Variants in ROBO1 observed in about 807,000 individuals in gnomAD.
ROBO1 encodes the protein roundabout homolog 1.
ROBO1 carries 149 observed loss-of-function variants against 195.9 expected under a neutral mutation model. The ratio of observed to expected loss-of-function variants is 0.76; its 90% CI spans 0.67 to 0.87. ROBO1 has a LOEUF of 0.87. Ranked by LOEUF, ROBO1 falls within the 40% of genes least tolerant of loss-of-function variation. The probability of loss-of-function intolerance (pLI) is 0.00; values close to 1 mark genes in which losing one functional copy is unlikely to be tolerated. For synonymous variants in ROBO1, 816 were observed against 733.2 expected (o/e 1.11, Z -1.82); for missense variants, 1,933 against 2,068.3 (o/e 0.93, Z 1.27).
intron 14 of ROBO1, among the ~76,000 whole-genome samples, chr3:78,663,329 TG>T (rs761850990): frequency 6.7e-6 from 1 of 149,982 alleles, no homozygotes. Flanking sequence ...ATAAGCAAGA[TG>T]AAAAAAAAAC....
chr3:79,158,846 T>C (rs1196222232), intron 2 of ROBO1, among the ~76,000 whole-genome samples: 1 of 151,930 alleles, frequency 6.6e-6, no homozygotes, highest in Non-Finnish European at 1.5e-5. Flanking sequence ...GATATTCTAC[T>C]ATGTAAGCCT....
chr3:78,893,581 T>C (rs566941842), intron 4 of ROBO1, among the ~76,000 whole-genome samples: 1 of 152,304 alleles, frequency 6.6e-6, no homozygotes, highest in South Asian at 2.1e-4. Context: ...TTCCATATCT[T>C]ATGTATAAAT....
intron 2 of ROBO1, among the ~76,000 whole-genome samples, chr3:79,166,605 G>A (rs1189468687): frequency 2.1e-5 from 3 of 142,520 alleles, no homozygotes; most frequent in East Asian, 2.0e-4. Context: ...TAGCTCTGTC[G>A]CACAGGCTGG....
At chr3:79,406,736 A>G (rs1455712391) in intron 2 of ROBO1, among the ~76,000 whole-genome samples, 1 of 152,092 alleles carries the variant, frequency 6.6e-6, no homozygotes, top group South Asian at 2.1e-4. Context: ...CTTTTGGAGC[A>G]TTTATGTACA....
intron 28 of ROBO1, among the ~76,000 whole-genome samples, chr3:78,609,093 G>A (rs983144306): frequency 6.6e-5 from 10 of 151,998 alleles, no homozygotes; most frequent in Admixed American, 6.6e-5. Flanking sequence ...AAATGGTAAC[G>A]TTTTCACATT....
intron 2 of ROBO1, chr3:79,532,889 T>C (rs1941715672): frequency 1.1e-5 from 2 of 187,960 alleles, no homozygotes; most frequent in South Asian, 1.5e-4. Flanking sequence ...AATTCCAGCA[T>C]GTATGGTTTC....
At chr3:78,644,299 T>C (rs747300164) in intron 21 of ROBO1, among the ~76,000 whole-genome samples, 8 of 152,146 alleles carry the variant, frequency 5.3e-5, no homozygotes, top group Non-Finnish European at 1.2e-4. Context: ...TCATCTCGCA[T>C]TTCCGCCACT....
At chr3:78,875,770 T>C (rs1441485999) in intron 4 of ROBO1, among the ~76,000 whole-genome samples, 1 of 152,012 alleles carries the variant, frequency 6.6e-6, no homozygotes, top group East Asian at 1.9e-4. Context: ...ACCTGGAGAT[T>C]AAAAGCAGAA....
intron 2 of ROBO1, among the ~76,000 whole-genome samples, chr3:79,462,681 T>C (rs1330403557): frequency 6.6e-6 from 1 of 152,198 alleles, no homozygotes; most frequent in Non-Finnish European, 1.5e-5. Context: ...CAGTGCACCA[T>C]TAGGGAATCA....
At chr3:78,825,984 A>T (rs2031559998) in intron 4 of ROBO1, among the ~76,000 whole-genome samples, 1 of 152,188 alleles carries the variant, frequency 6.6e-6, no homozygotes, top group Non-Finnish European at 1.5e-5. Flanking sequence ...CATAATGCCT[A>T]CCATCTCAGA....
intron 3 of ROBO1, among the ~76,000 whole-genome samples, chr3:78,948,804 T>C (rs1217153140): frequency 2.0e-5 from 3 of 152,160 alleles, no homozygotes; most frequent in Non-Finnish European, 1.5e-5. Context: ...ATAAGCAACT[T>C]CAGCAAAGTC....
chr3:78,939,582 C>A (rs1379430637), intron 3 of ROBO1, among the ~76,000 whole-genome samples: 2 of 150,438 alleles, frequency 1.3e-5, no homozygotes, highest in Non-Finnish European at 1.5e-5. Flanking sequence ...CGCGCCACTG[C>A]ACTCCAGCCT....
At chr3:79,022,574 G>A (rs1052624503) in intron 3 of ROBO1, among the ~76,000 whole-genome samples, 1 of 152,216 alleles carries the variant, frequency 6.6e-6, no homozygotes, top group Non-Finnish European at 1.5e-5. Context: ...GTGTACACAT[G>A]TGGACAGGGA....
chr3:79,156,208 GT>G lies in ROBO1; in HGVS notation c.89-30670del, dbSNP rs2080855306. Reference sequence around the variant, plus strand: ...TTCCTAACCCCTCTTGGAACTGTTTGTCCTTTTCATAGTCAATCCAATGCAC... The same window carrying G: ...TTCCTAACCCCTCTTGGAACTGTTTGCCTTTTCATAGTCAATCCAATGCAC... On this transcript the variant is annotated intron_variant, in intron 2 of 30. Transcript: ENST00000464233. 2.6e-5 allele frequency among the ~76,000 whole-genome samples: 4 copies of G among 151,132 alleles called. No homozygotes were observed. The Admixed American group carries it at 2.7e-4, about 10-fold the overall frequency.
At chr3:79,375,948 C>G (rs1039254392) in intron 2 of ROBO1, among the ~76,000 whole-genome samples, 7 of 152,108 alleles carry the variant, frequency 4.6e-5, no homozygotes, top group Non-Finnish European at 8.8e-5. Context: ...CTGAGTACCA[C>G]GAACATGCCC....
At chr3:79,644,800 C>A (rs929340526) in intron 1 of ROBO1, among the ~76,000 whole-genome samples, 8 of 152,044 alleles carry the variant, frequency 5.3e-5, no homozygotes, top group Admixed American at 1.3e-4. Context: ...CAGAATAGAT[C>A]ATGTTTTAGG....
intron 4 of ROBO1, among the ~76,000 whole-genome samples, chr3:78,789,855 C>T (rs2083963343): frequency 6.6e-6 from 1 of 152,198 alleles, no homozygotes; most frequent in Admixed American, 6.5e-5. Flanking sequence ...GCCATTTCAT[C>T]ATTTTCAGCC....
At chr3:79,215,986 GA>G (rs538260386) in intron 2 of ROBO1, among the ~76,000 whole-genome samples, 2,928 of 150,956 alleles carry the variant, frequency 0.019, 54 homozygotes, top group Middle Eastern at 0.027. Context: ...TAGAAATTCA[GA>G]AAAAAAAATT....
intron 4 of ROBO1, among the ~76,000 whole-genome samples, chr3:78,934,465 G>A (rs2039691841): frequency 6.6e-6 from 1 of 151,596 alleles, no homozygotes; most frequent in Non-Finnish European, 1.5e-5. Flanking sequence ...CAAAAGTAAA[G>A]GAAACAAGGA....
Sources: gnomAD v4.1 joint callset for allele counts (sites outside exome capture counted in the v4.1 genomes callset) on GRCh38, gnomAD v4.1.1 for gene constraint, MANE v1.5 for transcripts, NCBI Gene and HGNC (gene_info 2026-07-23, HGNC 2026-07-21) for gene names.